The following SPG11 variants were observed in gnomAD, a reference collection of about 807,000 sequenced individuals.
The protein encoded by SPG11 is spatacsin.
A neutral mutation model predicts 274.0 loss-of-function variants in SPG11; 222 were observed. The ratio of observed to expected loss-of-function variants is 0.81; its 90% CI spans 0.73 to 0.91. SPG11 has a LOEUF of 0.91. Among genes scored for constraint, SPG11 ranks in the 40% least tolerant of loss-of-function variants. SPG11 has a pLI of 0.00. For missense variants in SPG11, 3,114 were observed against 2,872.7 expected (o/e 1.08, Z -1.92); for synonymous variants, 1,144 against 1,039.7 (o/e 1.10, Z -1.93).
Position 44,659,119 on chromosome 15 carries a change from G to A in SPG11, c.627C>T (p.Cys209=), listed in dbSNP as rs768344320. The change falls in exon 3 of 40, where the codon TGC becomes TGT. Residue 209 remains cysteine, a synonymous_variant. Transcript: ENST00000261866. The part of the protein sequence containing the change: ...AVDMIIDTQL[C]RGILFVLSSL... ...TACTCAAAACAAAAAGAATTCCTCTGCAGAGCTGCGTGTCAATAATCATGT... is the reference window on the plus strand; with the variant it reads ...TACTCAAAACAAAAAGAATTCCTCTACAGAGCTGCGTGTCAATAATCATGT... 7 of 1,614,208 alleles carry A rather than the reference G, an allele frequency of 4.3e-6. No homozygotes were observed. The highest frequency in any genetic ancestry group is 2.2e-5 in the East Asian group (1 of 44,882).
At chr15:44,657,899 T>C (rs114314546) in intron 3 of SPG11, among the ~76,000 whole-genome samples, 2,992 of 152,326 alleles carry the variant, frequency 0.02, 111 homozygotes, top group African/African-American at 0.068. Context: ...TGGCGGCCCA[T>C]GCCTATAGTC....
intron 31 of SPG11, 146 bp from the exon 32 acceptor site, chr15:44,573,891 A>AGT (rs763678119): frequency 1.3e-6 from 1 of 752,368 alleles, no homozygotes; most frequent in Non-Finnish European, 2.3e-6. Context: ...AGAAAAAGCA[A>AGT]GTACTGTTTT....
rs56290053 is a variant in SPG11 at position 44,650,816 on chromosome 15, C to G, written c.1456+675G>C. 2.1e-3 allele frequency among the ~76,000 whole-genome samples: 318 copies of G among 152,066 alleles called. 2 individuals carry two copies. The highest frequency in any genetic ancestry group is 7.5e-3 in the African/African-American group (310 of 41,506). ...AGGCTGGAGGGCAGTGGTGCAATCT[C>G]GGCTCACTGCAACCTCCGCCTCCCA... is the stretch of plus-strand genomic sequence containing the variant. On this transcript the variant is annotated intron_variant, in intron 6 of 39. Transcript: ENST00000261866.
rs138489652 is a variant in SPG11, at chr15:44,570,958, T to C, written c.6344-300A>G. Among the ~76,000 whole-genome samples, 662 of 152,204 alleles carry C rather than the reference T, an allele frequency of 4.3e-3. 4 individuals carry two copies. The highest frequency in any genetic ancestry group is 0.015 in the African/African-American group (641 of 41,526). On this transcript the variant is annotated intron_variant, in intron 33 of 39. Coordinates refer to ENST00000261866, the MANE Select transcript of SPG11 (RefSeq NM_025137.4). ...CCTCGCCTTCTAAACATGGAGAAAC[T>C]TTCTGCAGACAAACTGATGGAGTTC...
chr15:44,600,398 C>T, intron 21 of SPG11, 69 bp downstream of exon 21: 1 of 1,553,120 alleles, frequency 6.4e-7, no homozygotes, highest in Non-Finnish European at 8.9e-7. Flanking sequence ...GATCCTCCTG[C>T]TTCCCAAAGT....
intron 29 of SPG11, among the ~76,000 whole-genome samples, chr15:44,585,350 G>T (rs940446602): frequency 3.3e-5 from 5 of 150,352 alleles, no homozygotes; most frequent in Non-Finnish European, 7.4e-5. Context: ...AGCACTTTGG[G>T]AGGCAGAGGC....
At chr15:44,575,704 AG>A (rs1256053844) in intron 30 of SPG11, among the ~76,000 whole-genome samples, 2 of 152,074 alleles carry the variant, frequency 1.3e-5, no homozygotes, top group Non-Finnish European at 2.9e-5. Context: ...CATGTTGATC[AG>A]GCTGGTCTCA....
At chr15:44,577,651 C>T (rs2140936225) in intron 30 of SPG11, among the ~76,000 whole-genome samples, 1 of 152,246 alleles carries the variant, frequency 6.6e-6, no homozygotes, top group South Asian at 2.1e-4. Flanking sequence ...GCTCAATCTA[C>T]TGTGTCTTTC....
intron 24 of SPG11, 96 bp from the exon 25 acceptor site, chr15:44,596,451 C>A: frequency 7.2e-7 from 1 of 1,384,888 alleles, no homozygotes; most frequent in South Asian, 1.2e-5. Flanking sequence ...ATTATGCTTT[C>A]TCACCCTGAA....
At chr15:44,622,381 CA>C (rs1567170059) in intron 12 of SPG11, 34 bp from the exon 13 acceptor site, 2 of 1,500,492 alleles carry the variant, frequency 1.3e-6, no homozygotes, top group Non-Finnish European at 9.1e-7. Context: ...AGTGACTTTA[CA>C]AAAAATCAAG....
intron 30 of SPG11, chr15:44,575,251 C>CA: frequency 1.7e-6 from 1 of 578,788 alleles, no homozygotes; most frequent in South Asian, 2.0e-5. Flanking sequence ...TCAAAGACCT[C>CA]ATATGCTACA....
chr15:44,626,352 G>A lies in SPG11; in HGVS notation c.2223C>T (p.Ala741=). The A allele has an allele frequency of 3.7e-6, 6 of 1,612,568 alleles. No individual in the cohort carries two copies. The highest frequency in any genetic ancestry group is 5.1e-6 in the Non-Finnish European group (6 of 1,179,730). The part of the protein sequence containing the change: ...DNLKKNNIKE[A]SELLKNMGFD... ...TCACCATATTCTTCAAAAGTTCAGA[G>A]GCTTCCTTTATATTGTTCTTTTTTA... Residue 741 remains alanine, a synonymous_variant, in exon 11 of 40, where the codon GCC becomes GCT. Coordinates refer to ENST00000261866, the MANE Select transcript of SPG11 (RefSeq NM_025137.4).
chr15:44,631,803 CT>C (rs1205482825), intron 8 of SPG11, among the ~76,000 whole-genome samples: 169 of 100,464 alleles, frequency 1.7e-3, no homozygotes, highest in Middle Eastern at 6.8e-3. Context: ...CTGCACCCAG[CT>C]TTTTTTTTTT....
chr15:44,624,492 T>C (rs1395272898), intron 11 of SPG11, among the ~76,000 whole-genome samples: 6 of 152,036 alleles, frequency 3.9e-5, no homozygotes, highest in Non-Finnish European at 8.8e-5. Flanking sequence ...CTCACAGTAA[T>C]AGAGAGTGGA....
chr15:44,622,633 A>G (rs1239123449), intron 12 of SPG11, 95 bp downstream of exon 12: 3 of 1,063,300 alleles, frequency 2.8e-6, no homozygotes, highest in Non-Finnish European at 4.3e-6. Context: ...GTTGAACATT[A>G]AAATTACTTA....
At chr15:44,622,006 A>G (rs1465026479) in intron 13 of SPG11, 72 bp from the exon 14 acceptor site, 86 of 1,278,984 alleles carry the variant, frequency 6.7e-5, no homozygotes, top group Non-Finnish European at 8.9e-5. Flanking sequence ...TTATCTGCTC[A>G]AGAACATCCA....
intron 37 of SPG11, 102 bp downstream of exon 37, chr15:44,566,115 A>G (rs2082303289): frequency 2.5e-6 from 4 of 1,588,930 alleles, no homozygotes; most frequent in Middle Eastern, 1.7e-4. Flanking sequence ...TTGGCCTATG[A>G]TGCCCTCCCG....
intron 8 of SPG11, among the ~76,000 whole-genome samples, chr15:44,630,356 A>T (rs928652629): frequency 1.3e-5 from 2 of 152,202 alleles, no homozygotes; most frequent in Non-Finnish European, 2.9e-5. Context: ...CACCCTTTAG[A>T]GCTGAGCAGT....
intron 28 of SPG11, chr15:44,588,417 AG>A (rs1182274466): frequency 6.5e-6 from 1 of 152,942 alleles, no homozygotes; most frequent in Non-Finnish European, 1.5e-5. Context: ...ATAGAGAAGA[AG>A]ATAGTGACAG....
Sources: allele counts gnomAD v4.1 joint callset (sites outside exome capture counted in the v4.1 genomes callset), GRCh38; gene constraint gnomAD v4.1.1; transcripts MANE v1.5; gene names NCBI Gene and HGNC (gene_info 2026-07-23, HGNC 2026-07-21).